COL6A6: variants seen among roughly 807,000 people sequenced by gnomAD.
The protein encoded by COL6A6 is collagen type VI alpha 6 chain.
In COL6A6, 183 loss-of-function variants were observed where a neutral mutation model predicts 208.6. That is an observed-to-expected ratio of 0.88 (90% confidence interval 0.78 to 0.99). COL6A6 has a LOEUF of 0.99. Ranked by LOEUF, COL6A6 falls within the 50% of genes least tolerant of loss-of-function variation. COL6A6 has a pLI of 0.00. For synonymous variants in COL6A6, 973 were observed against 1,011.8 expected (o/e 0.96, Z 0.73); for missense variants, 2,816 against 2,815.2 (o/e 1.00, Z -0.01).
intron 1 of COL6A6, among the ~76,000 whole-genome samples, chr3:130,556,995 G>C (rs1412811343): frequency 6.6e-6 from 1 of 152,178 alleles, no homozygotes; most frequent in East Asian, 1.9e-4. Context: ...ACTTGTATTT[G>C]TTAGGTCAGA....
chr3:130,577,149 A>G (rs1053816588), intron 8 of COL6A6, among the ~76,000 whole-genome samples: 12 of 152,184 alleles, frequency 7.9e-5, no homozygotes, highest in African/African-American at 2.9e-4. Flanking sequence ...CTTTAAATGT[A>G]CTATCTCACT....
chr3:130,565,384 CA>C lies in COL6A6; in HGVS notation c.1053del (p.Ala352LeufsTer9). The C allele has an allele frequency of 6.2e-7, 1 of 1,613,936 alleles. No individual in the cohort carries two copies. The highest frequency in any genetic ancestry group is 8.5e-7 in the Non-Finnish European group (1 of 1,179,880). On this transcript the variant is annotated frameshift_variant, in exon 4 of 37. Coordinates refer to ENST00000358511, the MANE Select transcript of COL6A6 (RefSeq NM_001102608.3). LOFTEE classifies it high-confidence loss of function. ...HRDSEDNVTK[A>X]AVNLRREGVT... Reference sequence around the variant, plus strand: ...GATTCAGAAGACAACGTGACAAAAGCAGCTGTTAACCTCCGACGGGAGGGTG... The same window carrying C: ...GATTCAGAAGACAACGTGACAAAAGCGCTGTTAACCTCCGACGGGAGGGTG...
At chr3:130,612,031 G>A (rs1050863402) in intron 23 of COL6A6, among the ~76,000 whole-genome samples, 2 of 152,116 alleles carry the variant, frequency 1.3e-5, no homozygotes, top group Non-Finnish European at 2.9e-5. Flanking sequence ...AGAACATGTG[G>A]TATTTGTTTT....
At chr3:130,549,322 A>C (rs1001130766) in intron 1 of COL6A6, among the ~76,000 whole-genome samples, 1 of 152,124 alleles carries the variant, frequency 6.6e-6, no homozygotes, top group Non-Finnish European at 1.5e-5. Flanking sequence ...CTATCTGGCC[A>C]CTTTTAAAAA....
Position 130,599,671 on chromosome 3 carries a change from C to T in COL6A6, c.4600-86C>T. The T allele has an allele frequency of 3.6e-6, 5 of 1,372,742 alleles. No individual in the cohort carries two copies. The Admixed American group carries it at 7.1e-5, about 19-fold the overall frequency. The allele number at this position is 1,372,742 out of a possible 1,614,324, so 85.0% of individuals were successfully genotyped here. A position where few individuals can be genotyped will look rare whatever the true frequency, so the allele number is the denominator to read the frequency against. On this transcript the variant is annotated intron_variant, in intron 19 of 36. Transcript: ENST00000358511. ...CTCATTGGTGTGTGAACCTATCTAT[C>T]CTCCCTGGAGTAAAAGTTGATGTTA...
intron 32 of COL6A6, among the ~76,000 whole-genome samples, chr3:130,647,312 A>G (rs887728120): frequency 4.6e-5 from 7 of 152,052 alleles, no homozygotes; most frequent in African/African-American, 1.7e-4. Flanking sequence ...TTTTTTTTTC[A>G]TATCTTCAGC....
At chr3:130,537,434 C>T (rs2062252719) in intron 1 of COL6A6, among the ~76,000 whole-genome samples, 1 of 152,188 alleles carries the variant, frequency 6.6e-6, no homozygotes, top group Non-Finnish European at 1.5e-5. Context: ...AGCCAGTCAG[C>T]CCAGGGATCT....
At chr3:130,589,307 A>T in intron 12 of COL6A6, 125 bp downstream of exon 12, 13 of 580,406 alleles carry the variant, frequency 2.2e-5, no homozygotes, top group East Asian at 3.0e-5. Flanking sequence ...AGTTTATTAT[A>T]CTCCTCTTTT....
intron 23 of COL6A6, among the ~76,000 whole-genome samples, chr3:130,617,559 G>A (rs2064569892): frequency 6.6e-6 from 1 of 152,044 alleles, no homozygotes; most frequent in Non-Finnish European, 1.5e-5. Context: ...AGAAGTTAAG[G>A]TTAAGGACTA....
At chr3:130,530,112 T>C (rs1254472469) in intron 1 of COL6A6, among the ~76,000 whole-genome samples, 1 of 152,224 alleles carries the variant, frequency 6.6e-6, no homozygotes, top group Non-Finnish European at 1.5e-5. Flanking sequence ...CTTGTTCCAG[T>C]GTGAGGATCA....
Position 130,610,710 on chromosome 3 carries a change from A to G in COL6A6, c.4814A>G (p.Gln1605Arg), listed in dbSNP as rs1178603810. The change falls in exon 23 of 37, where the codon CAG becomes CGG. Residue 1605 changes from glutamine to arginine, a missense_variant and splice_region_variant. Physicochemically the swap from Gln to Arg is conservative, Grantham distance 43 (BLOSUM62 1). Transcript: ENST00000358511. ...GGAGGTGTGGGAAGTAAAGGTCCCCAGGTATGTAATGAGAAAAATGATTGC... is the reference window on the plus strand; with the variant it reads ...GGAGGTGTGGGAAGTAAAGGTCCCCGGGTATGTAATGAGAAAAATGATTGC... ...EKGGVGSKGP[Q>R]GPPGPGGEAG... The G allele has an allele frequency of 1.3e-6, 2 of 1,578,816 alleles. No individual in the cohort carries two copies. Among genetic ancestry groups the G allele is most frequent in the Non-Finnish European group, 8.6e-7 (1 of 1,160,576 alleles).
chr3:130,558,243 T>C (rs961299124), intron 1 of COL6A6, among the ~76,000 whole-genome samples: 2 of 152,202 alleles, frequency 1.3e-5, no homozygotes, highest in Non-Finnish European at 2.9e-5. Context: ...TGTGTTTTGA[T>C]ACAGTGTAAA....
Position 130,565,185 on chromosome 3 carries a change from A to C in COL6A6, c.853A>C (p.Met285Leu). The part of the protein sequence containing the change: ...NETKVINSLS[M>L]GINKSEVLQH... ...GACAAAAGTGATAAATTCACTGAGC[A>C]TGGGCATAAATAAGTCAGAGGTTCT... The change falls in exon 4 of 37, where the codon ATG (methionine) becomes CTG (leucine). Residue 285 changes from methionine (M) to leucine (L), a missense_variant. Transcript: ENST00000358511. 1.2e-6 allele frequency: 2 copies of C among 1,614,008 alleles called. No homozygotes were observed. Among genetic ancestry groups the C allele is most frequent in the Non-Finnish European group, 1.7e-6 (2 of 1,179,868 alleles).
At chr3:130,576,921 T>G (rs564885008) in intron 8 of COL6A6, among the ~76,000 whole-genome samples, 3 of 152,340 alleles carry the variant, frequency 2.0e-5, no homozygotes, top group Admixed American at 2.0e-4. Context: ...TTGCTGTGCT[T>G]CTTATTAAAA....
intron 6 of COL6A6, among the ~76,000 whole-genome samples, chr3:130,568,848 A>T (rs976294993): frequency 2.0e-5 from 3 of 152,216 alleles, no homozygotes; most frequent in Admixed American, 2.0e-4. Flanking sequence ...GAAAAATGGT[A>T]TCATACCAGT....
At chr3:130,535,499 C>T (rs1418901184) in intron 1 of COL6A6, among the ~76,000 whole-genome samples, 1 of 151,816 alleles carries the variant, frequency 6.6e-6, no homozygotes, top group Non-Finnish European at 1.5e-5. Flanking sequence ...TTGGATGCCA[C>T]ATCTCCTCTT....
intron 25 of COL6A6, 81 bp from the exon 26 acceptor site, chr3:130,627,238 C>G (rs914158089): frequency 7.4e-7 from 1 of 1,345,374 alleles, no homozygotes. Flanking sequence ...AACCAAAAAG[C>G]TGGCAATGTT....
intron 1 of COL6A6, among the ~76,000 whole-genome samples, chr3:130,554,788 G>A (rs1386042410): frequency 6.6e-6 from 1 of 152,194 alleles, no homozygotes; most frequent in Non-Finnish European, 1.5e-5. Context: ...CACTGGTAAA[G>A]AAAGCAACAT....
chr3:130,661,835 T>C lies in COL6A6; in HGVS notation c.6029T>C (p.Val2010Ala). The C allele has an allele frequency of 2.5e-6, 4 of 1,613,944 alleles. No homozygotes were observed. The highest frequency in any genetic ancestry group is 3.4e-6 in the Non-Finnish European group (4 of 1,179,880). ...GAGACTTCTGTCACTGGAGACCGGG[T>C]GGCCCTATTGAGCCATGCTCCCCCC... ...EPETSVTGDR[V>A]ALLSHAPPDF... The change falls in exon 35 of 37, where the codon GTG becomes GCG. Residue 2010 changes from valine to alanine, a missense_variant. Val to Ala is a moderately conservative substitution (Grantham distance 64). Transcript: ENST00000358511.
Sources: allele counts gnomAD v4.1 joint callset (sites outside exome capture counted in the v4.1 genomes callset), GRCh38; gene constraint gnomAD v4.1.1; transcripts MANE v1.5; gene names NCBI Gene and HGNC (gene_info 2026-07-23, HGNC 2026-07-21).